Variants in ANKFN1 observed in about 807,000 individuals in gnomAD.
ANKFN1 encodes the protein ankyrin repeat and fibronectin type-III domain-containing protein 1.
In ANKFN1, 74 loss-of-function variants were observed where a neutral mutation model predicts 108.7. The observed-to-expected ratio is 0.68, with a 90% CI of 0.56 to 0.83. The LOEUF (loss-of-function observed/expected upper bound fraction) is 0.83. Among genes scored for constraint, ANKFN1 ranks in the 40% least tolerant of loss-of-function variants. The pLI is 0.00. For missense variants in ANKFN1, 1,505 were observed against 1,382.3 expected, an observed-to-expected ratio of 1.09 and a Z score of -1.41; for synonymous variants, 547 against 516.2, an observed-to-expected ratio of 1.06 and a Z score of -0.81.
At chr17:56,190,519 G>A (rs1225953811) in intron 1 of ANKFN1, among the ~76,000 whole-genome samples, 4 of 143,068 alleles carry the variant, frequency 2.8e-5, no homozygotes, top group African/African-American at 5.3e-5. Flanking sequence ...GTAGTCGAGC[G>A]GCTTTGAGTG....
Position 56,455,478 on chromosome 17 carries a change from A to G in ANKFN1, c.1208-1383A>G, listed in dbSNP as rs149534415. ...GTCAGTCAGCTGTTCCTATATAATC[A>G]TAGCCAAAGACACACTGGCCCTCAG... On this transcript the variant is annotated intron_variant, in intron 11 of 20. Coordinates refer to ENST00000682825, the MANE Select transcript of ANKFN1 (RefSeq NM_001370326.1). 2.7e-3 allele frequency among the ~76,000 whole-genome samples: 412 copies of G among 152,310 alleles called. 1 individual carries two copies. Among genetic ancestry groups the G allele is most frequent in the African/African-American group, 9.3e-3 (387 of 41,566 alleles).
chr17:56,067,921 T>A (rs112375515), intron 4 of ANKFN1, among the ~76,000 whole-genome samples: 2 of 152,158 alleles, frequency 1.3e-5, no homozygotes, highest in Non-Finnish European at 2.9e-5. Flanking sequence ...GTCATCAGTG[T>A]CTTTGGAATT....
rs1438170689 is a variant in ANKFN1 at position 56,375,427 on chromosome 17, G to C, written c.910+713G>C. Among the ~76,000 whole-genome samples the C allele has an allele frequency of 2.0e-5, 3 of 152,196 alleles. No homozygotes were observed. The East Asian group carries it at 5.8e-4, about 29-fold the overall frequency. ...AAGCATAGGGTCGTGAGAAGGTACA[G>C]TAAGATGTTAAGATTAAAGAATGAA... On this transcript the variant is annotated intron_variant, in intron 8 of 20. Transcript: ENST00000682825.
intron 3 of ANKFN1, among the ~76,000 whole-genome samples, chr17:56,268,842 CAAATTTTTATT>C (rs1360689602): frequency 6.6e-6 from 1 of 152,018 alleles, no homozygotes; most frequent in Non-Finnish European, 1.5e-5. Flanking sequence ...TCTCAGTCTG[CAAATTTTTATT>C]AAATTTTTAT....
At chr17:56,467,585 C>T (rs1364056984) in intron 15 of ANKFN1, among the ~76,000 whole-genome samples, 2 of 148,546 alleles carry the variant, frequency 1.3e-5, no homozygotes, top group Non-Finnish European at 1.5e-5. Flanking sequence ...GAGGCTGAGG[C>T]AGAATTGCTT....
intron 15 of ANKFN1, among the ~76,000 whole-genome samples, chr17:56,470,954 A>G (rs1055120072): frequency 6.6e-5 from 10 of 152,180 alleles, no homozygotes; most frequent in African/African-American, 2.4e-4. Flanking sequence ...CATTCTCTTC[A>G]GGGATCACTT....
At chr17:56,277,595 T>TA (rs1443743534) in intron 3 of ANKFN1, among the ~76,000 whole-genome samples, 3 of 152,058 alleles carry the variant, frequency 2.0e-5, no homozygotes, top group African/African-American at 7.2e-5. Context: ...CATTAAAGAT[T>TA]AAAAAACTGG....
At chr17:56,443,796 T>A (rs758094848) in intron 10 of ANKFN1, among the ~76,000 whole-genome samples, 1 of 152,246 alleles carries the variant, frequency 6.6e-6, no homozygotes, top group Non-Finnish European at 1.5e-5. Context: ...TCTCCAGACA[T>A]ATCATACCAT....
At chr17:56,134,503 T>C (rs759859944) in intron 4 of ANKFN1, among the ~76,000 whole-genome samples, 15 of 152,006 alleles carry the variant, frequency 9.9e-5, no homozygotes, top group Admixed American at 1.3e-4. Context: ...GAACAAAAGA[T>C]GCTTCTGTCA....
intron 1 of ANKFN1, among the ~76,000 whole-genome samples, chr17:56,204,542 TGTTGGCCAG>T (rs1227191098): frequency 6.6e-6 from 1 of 151,826 alleles, no homozygotes; most frequent in East Asian, 2.0e-4. Flanking sequence ...GGTTTCGCCA[TGTTGGCCAG>T]GTTGGTCTCG....
At chr17:56,201,408 A>G (rs1262562412) in intron 1 of ANKFN1, among the ~76,000 whole-genome samples, 2 of 152,240 alleles carry the variant, frequency 1.3e-5, no homozygotes, top group Non-Finnish European at 2.9e-5. Context: ...ATAGTGGCCC[A>G]TATCCTCACA....
intron 8 of ANKFN1, among the ~76,000 whole-genome samples, chr17:56,417,380 T>C (rs949791787): frequency 1.3e-5 from 2 of 152,192 alleles, no homozygotes; most frequent in Non-Finnish European, 2.9e-5. Context: ...TTAAAATACA[T>C]AAATTTAAAA....
In ANKFN1 at chr17:56,170,094, ATT is replaced by A. The variant is rs2143558025; in HGVS notation, c.-71+16565_-71+16566del. On this transcript the variant is annotated intron_variant, in intron 1 of 20. Transcript: ENST00000682825. ...GTGTCCCTTGTTCTAAGACTGAGGG[ATT>A]CATTCACCTTCTTTGCTCCATCTTG... Among the ~76,000 whole-genome samples the A allele has an allele frequency of 2.0e-5, 3 of 152,326 alleles. No homozygotes were observed. In the South Asian group the frequency reaches 6.2e-4, roughly 32 times the overall value.
chr17:56,484,285 A>T (rs1458718077), intron 18 of ANKFN1, among the ~76,000 whole-genome samples: 1 of 152,176 alleles, frequency 6.6e-6, no homozygotes, highest in Non-Finnish European at 1.5e-5. Flanking sequence ...TCTGTTTATG[A>T]CAGATGGGAA....
At chr17:56,225,565 G>A (rs1398680280) in intron 2 of ANKFN1, among the ~76,000 whole-genome samples, 1 of 152,164 alleles carries the variant, frequency 6.6e-6, no homozygotes, top group Non-Finnish European at 1.5e-5. Flanking sequence ...TGTGTTATTA[G>A]GGCCCAACAC....
At chr17:56,222,803 C>T (rs2143876623) in intron 2 of ANKFN1, among the ~76,000 whole-genome samples, 1 of 152,268 alleles carries the variant, frequency 6.6e-6, no homozygotes, top group South Asian at 2.1e-4. Flanking sequence ...GAGTGATTTG[C>T]ACAACCCATC....
At chr17:56,168,242 G>C (rs1011320088) in intron 1 of ANKFN1, among the ~76,000 whole-genome samples, 6 of 147,070 alleles carry the variant, frequency 4.1e-5, no homozygotes, top group Non-Finnish European at 8.9e-5. Context: ...GGAAGACAGA[G>C]TGAGACTCTG....
chr17:56,499,113 C>T lies in ANKFN1; in HGVS notation c.2644+15C>T. The T allele has an allele frequency of 6.5e-7, 1 of 1,534,202 alleles. No individual in the cohort carries two copies. Among genetic ancestry groups the T allele is most frequent in the Admixed American group, 2.0e-5 (1 of 50,966 alleles). The stretch of plus-strand genomic sequence containing the variant: ...GACAGTGAGTGGTAAGCAATGAGAT[C>T]TGAAGTTCTGTTGTTTAGTCCCTGG... On this transcript the variant is annotated intron_variant, in intron 20 of 20. Transcript: ENST00000682825.
chr17:56,440,349 C>G lies in ANKFN1; in HGVS notation c.933C>G (p.Asp311Glu), dbSNP rs901128626. 5.0e-6 allele frequency: 8 copies of G among 1,612,360 alleles called. No individual in the cohort carries two copies. The highest frequency in any genetic ancestry group is 5.9e-6 in the Non-Finnish European group (7 of 1,178,870). The stretch of plus-strand genomic sequence containing the variant: ...CAGTGGAATGGAGTATGTCCGAAGA[C>G]TTTTCTCCTTTGGCTGGAGAAATCA... ...RYKVEWSMSE[D>E]FSPLAGEIIM... Residue 311 changes from aspartate (D) to glutamate (E), a missense_variant, in exon 9 of 21, where the codon GAC (aspartate) becomes GAG (glutamate). Physicochemically the swap from Asp to Glu is conservative, Grantham distance 45. Coordinates refer to ENST00000682825, the MANE Select transcript of ANKFN1 (RefSeq NM_001370326.1).
Sources: allele counts gnomAD v4.1 joint callset (sites outside exome capture counted in the v4.1 genomes callset), GRCh38; gene constraint gnomAD v4.1.1; transcripts MANE v1.5; gene names NCBI Gene and HGNC (gene_info 2026-07-23, HGNC 2026-07-21).